The following CDH2 variants were observed in gnomAD, a reference collection of about 807,000 sequenced individuals.
CDH2 encodes cadherin 2.
Under a neutral mutation model 92.0 loss-of-function variants are expected in CDH2, and 17 were observed. That is an observed-to-expected ratio of 0.18 (90% CI 0.13 to 0.28). CDH2 has a LOEUF of 0.28. Ranked by LOEUF, CDH2 falls within the 10% of genes least tolerant of loss-of-function variation. The pLI is 1.00. For missense variants in CDH2, 862 were observed against 1,133.1 expected (o/e 0.76, Z 3.44); for synonymous variants, 419 against 415.9 (o/e 1.01, Z -0.09).
intron 2 of CDH2, among the ~76,000 whole-genome samples, chr18:28,043,197 A>C (rs1030738187): frequency 2.0e-5 from 3 of 152,036 alleles, no homozygotes; most frequent in Non-Finnish European, 4.4e-5. Flanking sequence ...GTAACTCAGG[A>C]ATAGAAAACC....
At chr18:28,148,444 GCA>G (rs760439985) in intron 1 of CDH2, among the ~76,000 whole-genome samples, 11 of 152,206 alleles carry the variant, frequency 7.2e-5, no homozygotes, top group South Asian at 2.1e-4. Context: ...ATCATCATAT[GCA>G]CAGTTAATTT....
At chr18:28,104,376 G>A (rs955233064) in intron 2 of CDH2, among the ~76,000 whole-genome samples, 2 of 152,048 alleles carry the variant, frequency 1.3e-5, no homozygotes, top group African/African-American at 4.8e-5. Flanking sequence ...TGTTGTAACT[G>A]TTGATATCTT....
intron 2 of CDH2, among the ~76,000 whole-genome samples, chr18:28,040,027 T>C (rs937296175): frequency 1.3e-5 from 2 of 152,152 alleles, no homozygotes; most frequent in African/African-American, 4.8e-5. Context: ...CAAATAAAAT[T>C]TGCAAATAGT....
At position 28,138,420 on chromosome 18, in the gene CDH2, T is replaced by C. The variant is rs578069079; in HGVS notation, c.172+9253A>G. On this transcript the variant is annotated intron_variant, in intron 2 of 15. Transcript: ENST00000269141. ...TGGGCTGTACTAGAAGTCCCGCATC[T>C]ACATCAAAGGCAAGAAGAATGCCTC... Among the ~76,000 whole-genome samples, 12 of 152,212 alleles carry C rather than the reference T, an allele frequency of 7.9e-5. No homozygotes were observed. In the South Asian group the frequency reaches 2.5e-3, roughly 32 times the overall value.
intron 2 of CDH2, chr18:28,146,779 G>A (rs980402184): frequency 6.6e-6 from 1 of 151,994 alleles, no homozygotes; most frequent in African/African-American, 2.4e-5. Context: ...ATTAGTTGAG[G>A]TTACGCAGAT....
intron 2 of CDH2, among the ~76,000 whole-genome samples, chr18:28,018,289 C>T (rs770519187): frequency 2.0e-5 from 3 of 151,898 alleles, no homozygotes; most frequent in East Asian, 1.9e-4. Flanking sequence ...GAATCGATAT[C>T]GTGAAAATGA....
At chr18:28,010,668 GT>G (rs760034959) in intron 4 of CDH2, among the ~76,000 whole-genome samples, 90 of 142,544 alleles carry the variant, frequency 6.3e-4, no homozygotes, top group Middle Eastern at 3.6e-3. Flanking sequence ...TAAAATCTAG[GT>G]TTTTTTTTTT....
intron 2 of CDH2, among the ~76,000 whole-genome samples, chr18:28,018,283 C>T (rs889598500): frequency 6.6e-6 from 1 of 151,850 alleles, no homozygotes; most frequent in Non-Finnish European, 1.5e-5. Context: ...TGGGTGGAAT[C>T]GATATCGTGA....
intron 10 of CDH2, among the ~76,000 whole-genome samples, chr18:27,989,805 C>T (rs1335913240): frequency 6.6e-6 from 1 of 152,100 alleles, no homozygotes; most frequent in Non-Finnish European, 1.5e-5. Context: ...GGCATAAAGG[C>T]ACAGGCTAAA....
At chr18:27,998,072 CT>C (rs1405928258) in intron 7 of CDH2, among the ~76,000 whole-genome samples, 1 of 152,132 alleles carries the variant, frequency 6.6e-6, no homozygotes, top group African/African-American at 2.4e-5. Context: ...TCCCAAAGTG[CT>C]GGGATTACAG....
chr18:28,023,882 CT>C (rs2013477860), intron 2 of CDH2, among the ~76,000 whole-genome samples: 1 of 152,234 alleles, frequency 6.6e-6, no homozygotes, highest in South Asian at 2.1e-4. Context: ...AACACGGCTC[CT>C]TTTCTATTTC....
chr18:28,168,527 G>T, intron 1 of CDH2: 1 of 187,874 alleles, frequency 5.3e-6, no homozygotes, highest in Non-Finnish European at 9.9e-6. Flanking sequence ...TGGTCTTGTG[G>T]CCTGAGAGTT....
chr18:27,997,967 T>C (rs977230153), intron 7 of CDH2, among the ~76,000 whole-genome samples: 10 of 152,160 alleles, frequency 6.6e-5, no homozygotes, highest in East Asian at 3.9e-4. Flanking sequence ...CAACCACGCC[T>C]GGCTAATTTT....
intron 2 of CDH2, among the ~76,000 whole-genome samples, chr18:28,044,541 TTC>T (rs2014031739): frequency 6.6e-6 from 1 of 152,210 alleles, no homozygotes; most frequent in Admixed American, 6.5e-5. Flanking sequence ...TATTCCAATA[TTC>T]TCTGTTATGA....
At chr18:28,035,806 T>TG (rs2013811547) in intron 2 of CDH2, among the ~76,000 whole-genome samples, 2 of 152,210 alleles carry the variant, frequency 1.3e-5, no homozygotes, top group Non-Finnish European at 2.9e-5. Context: ...TATGTATGTC[T>TG]CATTACAAGG....
chr18:28,054,982 T>C (rs2014264483), intron 2 of CDH2, among the ~76,000 whole-genome samples: 1 of 152,162 alleles, frequency 6.6e-6, no homozygotes, highest in African/African-American at 2.4e-5. Context: ...TCCCTCTCTA[T>C]ACTGAGAAGA....
intron 2 of CDH2, among the ~76,000 whole-genome samples, chr18:28,043,495 A>ATATATATATATATATATAT (rs1567976503): frequency 1.0e-4 from 9 of 87,400 alleles, no homozygotes; most frequent in Non-Finnish European, 1.8e-4. Flanking sequence ...TATATATATA[A>ATATATATATATATATATAT]ATATATATAT....
At chr18:28,030,060 A>G (rs1276417788) in intron 2 of CDH2, among the ~76,000 whole-genome samples, 6 of 152,132 alleles carry the variant, frequency 3.9e-5, no homozygotes, top group African/African-American at 1.4e-4. Context: ...GGCTAAAATA[A>G]TATTCTTATA....
chr18:27,985,764 GAA>G lies in CDH2; in HGVS notation c.1742-5_1742-4del. On this transcript the variant is annotated splice_region_variant and splice_polypyrimidine_tract_variant and intron_variant, in intron 11 of 15. Transcript: ENST00000269141. The stretch of plus-strand genomic sequence containing the variant: ...TGTTCCACTCATAGGAGGAATTCCT[GAA>G]AAGAGAGAAAAATCACAAATGATGC... 6.5e-7 allele frequency: 1 copy of G among 1,527,680 alleles called. No homozygotes were observed. The highest frequency in any genetic ancestry group is 9.0e-7 in the Non-Finnish European group (1 of 1,107,786). The allele number at this position is 1,527,680 out of a possible 1,614,324, so 94.6% of individuals were successfully genotyped here. A position where few individuals can be genotyped will look rare whatever the true frequency, so the allele number is the denominator to read the frequency against.
Sources: allele counts gnomAD v4.1 joint callset (sites outside exome capture counted in the v4.1 genomes callset), GRCh38; gene constraint gnomAD v4.1.1; transcripts MANE v1.5; gene names NCBI Gene and HGNC (gene_info 2026-07-23, HGNC 2026-07-21).